GTF2F2: variants seen among roughly 807,000 people sequenced by gnomAD.
GTF2F2 encodes the protein ATP-dependent helicase GTF2F2.
In GTF2F2, 23 loss-of-function variants were observed where a neutral mutation model predicts 42.2. The ratio of observed to expected loss-of-function variants is 0.55; its 90% CI spans 0.39 to 0.77. GTF2F2 has a LOEUF of 0.77. Among genes scored for constraint, GTF2F2 ranks in the 30% least tolerant of loss-of-function variants. The pLI is 0.00. For missense variants in GTF2F2, 261 were observed against 287.2 expected, an observed-to-expected ratio of 0.91 and a Z score of 0.66; for synonymous variants, 105 against 100.8, an observed-to-expected ratio of 1.04 and a Z score of -0.25.
intron 1 of GTF2F2, among the ~76,000 whole-genome samples, chr13:45,132,507 G>C (rs985339703): frequency 3.3e-5 from 5 of 151,548 alleles, no homozygotes; most frequent in African/African-American, 1.2e-4. Flanking sequence ...ATCAGAGTGT[G>C]CACACTGAGA....
chr13:45,211,634 C>G (rs1873647944), intron 5 of GTF2F2, among the ~76,000 whole-genome samples: 1 of 148,840 alleles, frequency 6.7e-6, no homozygotes, highest in African/African-American at 2.5e-5. Flanking sequence ...GTTGCCCAGG[C>G]TAGAGTGCAA....
At chr13:45,241,328 CT>C (rs1173645995) in intron 5 of GTF2F2, among the ~76,000 whole-genome samples, 2 of 152,030 alleles carry the variant, frequency 1.3e-5, no homozygotes, top group Non-Finnish European at 2.9e-5. Flanking sequence ...TCTCTATTTT[CT>C]GGTTCACTCT....
intron 4 of GTF2F2, among the ~76,000 whole-genome samples, chr13:45,165,565 TCG>T (rs1491328137): frequency 0.014 from 1,918 of 137,770 alleles, 49 homozygotes; most frequent in African/African-American, 0.052. Flanking sequence ...TCCACTGCCC[TCG>T]CCCCCCCCCG....
intron 4 of GTF2F2, among the ~76,000 whole-genome samples, chr13:45,156,598 T>A (rs192300268): frequency 1.5e-4 from 23 of 152,314 alleles, no homozygotes; most frequent in Non-Finnish European, 2.4e-4. Context: ...AATTTTTTTT[T>A]AATCTTTTTT....
At chr13:45,169,116 A>C in intron 4 of GTF2F2, among the ~76,000 whole-genome samples, 1 of 151,632 alleles carries the variant, frequency 6.6e-6, no homozygotes, top group East Asian at 1.9e-4. Context: ...CGGCCTCCCA[A>C]AGTTCTGGGA....
At chr13:45,217,703 A>G (rs1490023280) in intron 5 of GTF2F2, among the ~76,000 whole-genome samples, 1 of 152,220 alleles carries the variant, frequency 6.6e-6, no homozygotes, top group Admixed American at 6.5e-5. Context: ...TGTTTCTACA[A>G]AGCCTTACAG....
intron 5 of GTF2F2, among the ~76,000 whole-genome samples, chr13:45,247,798 G>C (rs1875705711): frequency 6.6e-6 from 1 of 152,128 alleles, no homozygotes; most frequent in African/African-American, 2.4e-5. Flanking sequence ...ATACCATTCT[G>C]AAGTTACCTA....
At chr13:45,212,459 C>CTTTTCTTTTCTTTTCT (rs55758635) in intron 5 of GTF2F2, among the ~76,000 whole-genome samples, 853 of 79,294 alleles carry the variant, frequency 0.011, 30 homozygotes, top group African/African-American at 0.033. Context: ...TTCTTTCTTT[C>CTTTTCTTTTCTTTTCT]TTTCTTTCTT....
chr13:45,133,643 G>A (rs116358851), intron 1 of GTF2F2, among the ~76,000 whole-genome samples: 483 of 152,348 alleles, frequency 3.2e-3, no homozygotes, highest in African/African-American at 0.011. Flanking sequence ...CGTGGAATAA[G>A]CCATGCTAGG....
intron 7 of GTF2F2, among the ~76,000 whole-genome samples, chr13:45,273,007 A>C (rs1350802329): frequency 1.4e-5 from 2 of 144,866 alleles, no homozygotes; most frequent in Admixed American, 6.9e-5. Context: ...GCTCACTGCA[A>C]CCTCCGCCTC....
intron 1 of GTF2F2, among the ~76,000 whole-genome samples, chr13:45,133,945 C>T (rs1209210566): frequency 6.6e-6 from 1 of 152,156 alleles, no homozygotes; most frequent in African/African-American, 2.4e-5. Context: ...CTCTGGTCCT[C>T]CTGATTCCGC....
At chr13:45,159,478 C>T (rs1870931581) in intron 4 of GTF2F2, among the ~76,000 whole-genome samples, 1 of 152,216 alleles carries the variant, frequency 6.6e-6, no homozygotes, top group Non-Finnish European at 1.5e-5. Context: ...GCAACCTCCG[C>T]CTCCCAGGCG....
At chr13:45,218,274 A>G (rs1873970837) in intron 5 of GTF2F2, among the ~76,000 whole-genome samples, 1 of 152,228 alleles carries the variant, frequency 6.6e-6, no homozygotes, top group African/African-American at 2.4e-5. Flanking sequence ...GAAGTGACCA[A>G]ATTCCCTTAG....
At chr13:45,223,102 T>C (rs1874182588) in intron 5 of GTF2F2, among the ~76,000 whole-genome samples, 1 of 151,884 alleles carries the variant, frequency 6.6e-6, no homozygotes, top group Non-Finnish European at 1.5e-5. Context: ...GTGCCTATAG[T>C]CCCAGCTACG....
At chr13:45,127,461 G>A (rs993093325) in intron 1 of GTF2F2, among the ~76,000 whole-genome samples, 2 of 151,796 alleles carry the variant, frequency 1.3e-5, no homozygotes, top group African/African-American at 2.4e-5. Context: ...GAGTAGCTGG[G>A]ACTATAGGCA....
At chr13:45,201,178 A>T (rs528359105) in intron 4 of GTF2F2, among the ~76,000 whole-genome samples, 81 of 152,282 alleles carry the variant, frequency 5.3e-4, no homozygotes, top group South Asian at 2.1e-3. Context: ...TTAACTTTTT[A>T]AAAAAAGTGC....
chr13:45,128,697 G>A (rs1313229939), intron 1 of GTF2F2, among the ~76,000 whole-genome samples: 3 of 151,984 alleles, frequency 2.0e-5, no homozygotes, highest in Admixed American at 1.3e-4. Flanking sequence ...GGGCTCAAAC[G>A]ATCCTTCTGC....
intron 7 of GTF2F2, among the ~76,000 whole-genome samples, chr13:45,270,364 C>A (rs991739205): frequency 6.6e-6 from 1 of 152,084 alleles, no homozygotes; most frequent in African/African-American, 2.4e-5. Flanking sequence ...TGAAGCTGGG[C>A]AATTTTTAAA....
intron 1 of GTF2F2, among the ~76,000 whole-genome samples, chr13:45,132,580 T>A (rs1031141612): frequency 6.6e-6 from 1 of 152,192 alleles, no homozygotes; most frequent in African/African-American, 2.4e-5. Context: ...CGAAGTCCCA[T>A]TACTTTTGCC....
Sources: gnomAD v4.1 joint callset for allele counts (sites outside exome capture counted in the v4.1 genomes callset) on GRCh38, gnomAD v4.1.1 for gene constraint, MANE v1.5 for transcripts, NCBI Gene and HGNC (gene_info 2026-07-23, HGNC 2026-07-21) for gene names.